Variants in TENM4 observed in about 807,000 individuals in gnomAD.
The protein encoded by TENM4 is teneurin transmembrane protein 4.
Under a neutral mutation model 243.3 loss-of-function variants are expected in TENM4, and 82 were observed. That is an observed-to-expected ratio of 0.34 (90% CI 0.28 to 0.40). The LOEUF (loss-of-function observed/expected upper bound fraction) is 0.40, where lower values mean the gene tolerates loss of function less well. Ranked by LOEUF, TENM4 falls within the 10% of genes least tolerant of loss-of-function variation. The pLI is 1.00. For synonymous variants in TENM4, 1,412 were observed against 1,456.3 expected, an observed-to-expected ratio of 0.97 and a Z score of 0.69; for missense variants, 3,138 against 3,673.3, an observed-to-expected ratio of 0.85 and a Z score of 3.77.
In TENM4 at chr11:79,409,091, TGTGTGTGTGTGCGCGCGCGCGC is replaced by T. The variant is rs1341213175; in HGVS notation, c.-321+31396_-321+31417del. On this transcript the variant is annotated intron_variant, in intron 1 of 33. Coordinates refer to ENST00000278550, the MANE Select transcript of TENM4 (RefSeq NM_001098816.3). Reference sequence around the variant, plus strand: ...GTGTGTGTGTGTGTGTGTGTGTGTGTGTGTGTGTGTGCGCGCGCGCGCGTGCGTGCACGCGCACGCACATGCG... The same window carrying T: ...GTGTGTGTGTGTGTGTGTGTGTGTGTGTGCGTGCACGCGCACGCACATGCG... 6.2e-3 allele frequency among the ~76,000 whole-genome samples: 725 copies of T among 117,044 alleles called. 7 individuals carry two copies. Among genetic ancestry groups the T allele is most frequent in the African/African-American group, 0.022 (684 of 31,754 alleles). The allele number at this position is 117,044 out of a possible 152,430, so 76.8% of individuals were successfully genotyped here. A position where few individuals can be genotyped will look rare whatever the true frequency, so the allele number is the denominator to read the frequency against.
intron 12 of TENM4, among the ~76,000 whole-genome samples, chr11:78,829,305 A>C (rs1857925516): frequency 6.6e-6 from 1 of 152,150 alleles, no homozygotes; most frequent in Non-Finnish European, 1.5e-5. Context: ...CAGAGCATGG[A>C]CTATGCCATC....
At chr11:79,359,501 G>A (rs1857555442) in intron 1 of TENM4, among the ~76,000 whole-genome samples, 1 of 152,128 alleles carries the variant, frequency 6.6e-6, no homozygotes, top group African/African-American at 2.4e-5. Flanking sequence ...GATCATTGTT[G>A]AAGCTGGGTG....
At chr11:79,436,513 C>T (rs906366356) in intron 1 of TENM4, among the ~76,000 whole-genome samples, 4 of 152,190 alleles carry the variant, frequency 2.6e-5, no homozygotes, top group African/African-American at 9.7e-5. Context: ...TCCCACAAAA[C>T]CACAAAAGAT....
chr11:79,391,624 C>A (rs564679824), intron 1 of TENM4, among the ~76,000 whole-genome samples: 3 of 152,062 alleles, frequency 2.0e-5, no homozygotes, highest in Non-Finnish European at 4.4e-5. Flanking sequence ...GGGTGAAAAA[C>A]CTGACATGAA....
intron 1 of TENM4, among the ~76,000 whole-genome samples, chr11:79,361,112 G>T (rs932116337): frequency 6.6e-6 from 1 of 152,158 alleles, no homozygotes; most frequent in African/African-American, 2.4e-5. Context: ...GATTATGCTA[G>T]ACTTTTGGAA....
intron 2 of TENM4, among the ~76,000 whole-genome samples, chr11:79,267,274 C>T (rs1215454558): frequency 1.3e-5 from 2 of 152,220 alleles, no homozygotes; most frequent in Non-Finnish European, 2.9e-5. Flanking sequence ...GCAAAGCCTT[C>T]TTGTCAATCT....
chr11:79,082,409 T>C (rs999984378), intron 4 of TENM4, among the ~76,000 whole-genome samples: 12 of 152,306 alleles, frequency 7.9e-5, no homozygotes, highest in African/African-American at 2.9e-4. Flanking sequence ...CTTGGGGGGT[T>C]GTGACTGGCA....
intron 7 of TENM4, among the ~76,000 whole-genome samples, chr11:78,898,877 A>G (rs1304479327): frequency 6.6e-6 from 1 of 152,208 alleles, no homozygotes; most frequent in East Asian, 1.9e-4. Context: ...GTAGACACTC[A>G]GTGAATATTT....
intron 4 of TENM4, among the ~76,000 whole-genome samples, chr11:79,148,106 C>T (rs964960361): frequency 6.6e-6 from 1 of 152,118 alleles, no homozygotes; most frequent in Admixed American, 6.6e-5. Context: ...TGATTCTCAT[C>T]CATATACTGG....
chr11:79,276,015 C>G (rs1326575575), intron 2 of TENM4, among the ~76,000 whole-genome samples: 1 of 152,170 alleles, frequency 6.6e-6, no homozygotes, highest in Non-Finnish European at 1.5e-5. Flanking sequence ...CATTATGCCG[C>G]CTAAAAACGA....
At chr11:79,342,321 C>T (rs890182662) in intron 1 of TENM4, among the ~76,000 whole-genome samples, 4 of 152,112 alleles carry the variant, frequency 2.6e-5, no homozygotes, top group African/African-American at 4.8e-5. Flanking sequence ...GAGAGGGCTT[C>T]GCAATAGCGC....
chr11:78,684,495 C>G (rs962503612), intron 29 of TENM4, among the ~76,000 whole-genome samples: 14 of 152,184 alleles, frequency 9.2e-5, no homozygotes, highest in African/African-American at 3.4e-4. Flanking sequence ...TGTCTCTCCT[C>G]TATCTCCACC....
chr11:79,361,517 T>C (rs1857588887), intron 1 of TENM4, among the ~76,000 whole-genome samples: 1 of 152,244 alleles, frequency 6.6e-6, no homozygotes, highest in Non-Finnish European at 1.5e-5. Context: ...ACACTCCCAG[T>C]GTTGCTAGTC....
At chr11:79,292,036 G>C (rs1408686572) in intron 2 of TENM4, among the ~76,000 whole-genome samples, 1 of 152,108 alleles carries the variant, frequency 6.6e-6, no homozygotes, top group Non-Finnish European at 1.5e-5. Flanking sequence ...GCTCATATGT[G>C]TCTCCCAGCT....
chr11:79,301,257 G>T (rs1248112478), intron 1 of TENM4, among the ~76,000 whole-genome samples: 1 of 152,144 alleles, frequency 6.6e-6, no homozygotes, highest in East Asian at 1.9e-4. Flanking sequence ...TCCTCACAAG[G>T]CTGCTTCCAG....
chr11:78,717,654 A>G (rs1859552963), intron 25 of TENM4, among the ~76,000 whole-genome samples: 1 of 152,234 alleles, frequency 6.6e-6, no homozygotes, highest in African/African-American at 2.4e-5. Flanking sequence ...AATACCCAAT[A>G]AATGGCAGCT....
intron 9 of TENM4, among the ~76,000 whole-genome samples, chr11:78,887,669 T>C (rs1855576573): frequency 6.6e-6 from 1 of 152,222 alleles, no homozygotes; most frequent in South Asian, 2.1e-4. Context: ...CTGAGCTCTA[T>C]CTGTATCCTT....
rs181220191 is a variant in TENM4 at position 78,930,784 on chromosome 11, C to T, written c.494-27261G>A. On this transcript the variant is annotated intron_variant, in intron 6 of 33. Transcript: ENST00000278550. ...CATTTCAGATATTTTAAAAAGTAAG[C>T]GGTGTGGATAAGAGCCCTTTCTTCT... 1.2e-4 allele frequency among the ~76,000 whole-genome samples: 19 copies of T among 152,248 alleles called. No homozygotes were observed. In the East Asian group the frequency reaches 3.1e-3, roughly 25 times the overall value.
Position 79,035,510 on chromosome 11 carries a change from C to T in TENM4, c.493+29228G>A, listed in dbSNP as rs576481648. ...TCTCATCACACAAGGGATATACATTCCTTGTAGAAGATTTAAAAAAATTCA... is the reference window on the plus strand; with the variant it reads ...TCTCATCACACAAGGGATATACATTTCTTGTAGAAGATTTAAAAAAATTCA... On this transcript the variant is annotated intron_variant, in intron 6 of 33. Coordinates refer to ENST00000278550, the MANE Select transcript of TENM4 (RefSeq NM_001098816.3). Among the ~76,000 whole-genome samples the T allele has an allele frequency of 1.0e-3, 153 of 148,956 alleles. 3 individuals carry two copies. The South Asian group carries it at 0.014, about 13-fold the overall frequency.
Sources: gnomAD v4.1 joint callset for allele counts (sites outside exome capture counted in the v4.1 genomes callset) on GRCh38, gnomAD v4.1.1 for gene constraint, MANE v1.5 for transcripts, NCBI Gene and HGNC (gene_info 2026-07-23, HGNC 2026-07-21) for gene names.